Variants in HCN1 observed in about 807,000 individuals in gnomAD.
HCN1 encodes the protein hyperpolarization activated cyclic nucleotide gated potassium channel 1.
A neutral mutation model predicts 78.9 loss-of-function variants in HCN1; 13 were observed. The observed-to-expected ratio is 0.16, with a 90% CI of 0.11 to 0.26. HCN1 has a LOEUF of 0.26. Ranked by LOEUF, HCN1 falls within the 10% of genes least tolerant of loss-of-function variation. HCN1 has a pLI of 1.00. For synonymous variants in HCN1, 552 were observed against 455.5 expected, an observed-to-expected ratio of 1.21 and a Z score of -2.70; for missense variants, 810 against 1,154.3, an observed-to-expected ratio of 0.70 and a Z score of 4.32.
rs758487958 is a variant in HCN1, at chr5:45,560,235, G to A, written c.849+84950C>T. Among the ~76,000 whole-genome samples, 7 of 151,898 alleles carry A rather than the reference G, an allele frequency of 4.6e-5. No individual in the cohort carries two copies. In the East Asian group the frequency reaches 5.8e-4, roughly 13 times the overall value. Reference sequence around the variant, plus strand: ...AACCTGCAATATCTCCAGGGTATACGTATATAATGTTTGTATGCATTCTTG... The same window carrying A: ...AACCTGCAATATCTCCAGGGTATACATATATAATGTTTGTATGCATTCTTG... On this transcript the variant is annotated intron_variant, in intron 2 of 7. Transcript: ENST00000303230.
intron 2 of HCN1, among the ~76,000 whole-genome samples, chr5:45,620,062 G>A (rs1179392207): frequency 6.6e-6 from 1 of 151,972 alleles, no homozygotes; most frequent in Admixed American, 6.6e-5. Flanking sequence ...CATCTAAGCA[G>A]CATTTTTCCT....
At chr5:45,359,668 T>C (rs1179538764) in intron 4 of HCN1, among the ~76,000 whole-genome samples, 1 of 151,766 alleles carries the variant, frequency 6.6e-6, no homozygotes, top group Non-Finnish European at 1.5e-5. Context: ...GAAAGTAGGC[T>C]ACACTAGCTG....
rs1057116604 is a variant in HCN1, at chr5:45,639,502, T to C, written c.849+5683A>G. 2.0e-5 allele frequency among the ~76,000 whole-genome samples: 3 copies of C among 152,202 alleles called. No individual in the cohort carries two copies. The East Asian group carries it at 5.8e-4, about 29-fold the overall frequency. ...TTTATGTGATTTTCCCTAGATTACA[T>C]AGAAAATAATGTCGCAGTTGAAATA... On this transcript the variant is annotated intron_variant, in intron 2 of 7. Transcript: ENST00000303230.
chr5:45,526,324 G>T (rs1381392364), intron 2 of HCN1, among the ~76,000 whole-genome samples: 1 of 152,044 alleles, frequency 6.6e-6, no homozygotes, highest in Non-Finnish European at 1.5e-5. Context: ...GGATAAGGGA[G>T]ACTCCTTTAT....
chr5:45,588,510 C>G (rs1416563981), intron 2 of HCN1, among the ~76,000 whole-genome samples: 1 of 152,140 alleles, frequency 6.6e-6, no homozygotes, highest in East Asian at 1.9e-4. Context: ...GCAGCACTGC[C>G]TAAGTTGCAG....
At chr5:45,682,575 T>C (rs1580048603) in intron 1 of HCN1, among the ~76,000 whole-genome samples, 1 of 152,156 alleles carries the variant, frequency 6.6e-6, no homozygotes, top group East Asian at 1.9e-4. Flanking sequence ...GCCTACTTTA[T>C]ACTCTGCTTA....
intron 3 of HCN1, among the ~76,000 whole-genome samples, chr5:45,446,357 A>G (rs1182462199): frequency 6.6e-6 from 1 of 152,186 alleles, no homozygotes; most frequent in Non-Finnish European, 1.5e-5. Flanking sequence ...AAAAGAAACG[A>G]ACAAAGCCTC....
At chr5:45,532,354 A>G (rs147635448) in intron 2 of HCN1, among the ~76,000 whole-genome samples, 230 of 152,324 alleles carry the variant, frequency 1.5e-3, no homozygotes, top group African/African-American at 5.4e-3. Context: ...TCAAGATAAT[A>G]TTGATCATTC....
intron 3 of HCN1, among the ~76,000 whole-genome samples, chr5:45,404,081 A>G (rs553275405): frequency 1.3e-5 from 2 of 152,258 alleles, no homozygotes; most frequent in East Asian, 3.9e-4. Context: ...ATCTACTACC[A>G]TTGAATGATG....
Position 45,262,364 on chromosome 5 carries a change from G to A in HCN1, c.2230C>T (p.Pro744Ser), listed in dbSNP as rs1466817263. 4 of 1,612,618 alleles carry A rather than the reference G, an allele frequency of 2.5e-6. No individual in the cohort carries two copies. The South Asian group carries it at 4.4e-5, about 18-fold the overall frequency. The change falls in exon 8 of 8, where the codon CCG becomes TCG. Residue 744 changes from proline (P) to serine (S), a missense_variant. This residue lies in a region of HCN1 where 398 missense variants were observed against 381.3 expected (regional missense o/e 1.04). Transcript: ENST00000303230. ...GACGGCTGCTGTGGCTGAGTCTGCGGCGGCTGGGACTGCTGTACCTGCTGC... is the reference window on the plus strand; with the variant it reads ...GACGGCTGCTGTGGCTGAGTCTGCGACGGCTGGGACTGCTGTACCTGCTGC... ...PQQQVQQSQP[P>S]QTQPQQPSPQ...
intron 5 of HCN1, among the ~76,000 whole-genome samples, chr5:45,348,524 T>A (rs1216764106): frequency 6.6e-6 from 1 of 152,064 alleles, no homozygotes; most frequent in African/African-American, 2.4e-5. Flanking sequence ...CGATATTAAC[T>A]TTAAATGTAA....
intron 5 of HCN1, among the ~76,000 whole-genome samples, chr5:45,313,715 C>T (rs140768186): frequency 2.6e-5 from 4 of 151,968 alleles, no homozygotes; most frequent in Admixed American, 1.3e-4. Context: ...AACTAAGGGA[C>T]GAATGCACAA....
chr5:45,439,779 T>C (rs1740635062), intron 3 of HCN1, among the ~76,000 whole-genome samples: 1 of 151,900 alleles, frequency 6.6e-6, no homozygotes, highest in Non-Finnish European at 1.5e-5. Context: ...TGATTTTATG[T>C]GATATAAATG....
At chr5:45,463,399 AT>A (rs1241304250) in intron 2 of HCN1, among the ~76,000 whole-genome samples, 1 of 151,896 alleles carries the variant, frequency 6.6e-6, no homozygotes, top group Non-Finnish European at 1.5e-5. Flanking sequence ...GAGCAAAAAG[AT>A]TTTTTTCGTG....
At chr5:45,321,334 T>A (rs1421617082) in intron 5 of HCN1, among the ~76,000 whole-genome samples, 1 of 151,798 alleles carries the variant, frequency 6.6e-6, no homozygotes, top group African/African-American at 2.4e-5. Context: ...AAACTTAAAT[T>A]TTGTTTTATT....
intron 4 of HCN1, among the ~76,000 whole-genome samples, chr5:45,358,724 G>A (rs1747054991): frequency 6.6e-6 from 1 of 152,088 alleles, no homozygotes; most frequent in African/African-American, 2.4e-5. Flanking sequence ...GACAGGAATA[G>A]CCCTACAAAG....
chr5:45,653,543 A>T (rs904090402), intron 1 of HCN1, among the ~76,000 whole-genome samples: 7 of 152,108 alleles, frequency 4.6e-5, no homozygotes, highest in Admixed American at 3.3e-4. Context: ...TTTCCCAATG[A>T]TCAAATTCCA....
intron 2 of HCN1, among the ~76,000 whole-genome samples, chr5:45,582,920 G>C (rs1042303473): frequency 3.9e-5 from 6 of 152,032 alleles, no homozygotes; most frequent in African/African-American, 1.4e-4. Context: ...GATTCAGTTT[G>C]CCAGTATTTT....
intron 1 of HCN1, among the ~76,000 whole-genome samples, chr5:45,692,325 T>TA (rs1259751145): frequency 1.3e-5 from 2 of 152,212 alleles, no homozygotes; most frequent in Admixed American, 6.5e-5. Flanking sequence ...CATGAATTTT[T>TA]AAAAATCATA....
Sources: gnomAD v4.1 joint callset for allele counts (sites outside exome capture counted in the v4.1 genomes callset) on GRCh38, gnomAD v4.1.1 for gene constraint, gnomAD v4.1.1 regional missense constraint, MANE v1.5 for transcripts, NCBI Gene and HGNC (gene_info 2026-07-23, HGNC 2026-07-21) for gene names.